The following OPRM1 variants were observed in gnomAD, a reference collection of about 807,000 sequenced individuals.
OPRM1 encodes the protein mu-type opioid receptor.
Under a neutral mutation model 31.8 loss-of-function variants are expected in OPRM1, and 27 were observed. That is an observed-to-expected ratio of 0.85 (90% CI 0.63 to 1.17). The LOEUF is 1.17. Among genes scored for constraint, OPRM1 ranks in the 50% most tolerant of loss-of-function variants. The pLI is 0.00. For synonymous variants in OPRM1, 196 were observed against 189.9 expected (o/e 1.03, Z -0.26); for missense variants, 536 against 511.1 (o/e 1.05, Z -0.47).
rs768981562 is a variant in OPRM1 at position 154,089,829 on chromosome 6, C to T, written c.294C>T (p.Tyr98=). ...CTCTTCTTCCTTTATCTCCTAGATA[C>T]ACCAAGATGAAGACTGCCACCAACA... ...NFLVMYVIVR[Y]TKMKTATNIY... Residue 98 remains tyrosine, a synonymous_variant, in exon 2 of 4, where the codon TAC becomes TAT. Coordinates refer to ENST00000330432, the MANE Select transcript of OPRM1 (RefSeq NM_000914.5). The T allele has an allele frequency of 6.2e-7, 1 of 1,607,872 alleles. No individual in the cohort carries two copies. Among genetic ancestry groups the T allele is most frequent in the East Asian group, 2.2e-5 (1 of 44,842 alleles).
At chr6:154,194,259 C>T (rs530728917) in intron 3 of OPRM1, among the ~76,000 whole-genome samples, 73 of 152,218 alleles carry the variant, frequency 4.8e-4, no homozygotes, top group African/African-American at 1.6e-3. Flanking sequence ...ATTAGCCAGG[C>T]GTGGTGGCGC....
chr6:154,099,211 G>A (rs1251628804), intron 3 of OPRM1, among the ~76,000 whole-genome samples: 1 of 151,698 alleles, frequency 6.6e-6, no homozygotes, highest in East Asian at 1.9e-4. Context: ...ATTGAACCTG[G>A]GAAGTTGAGG....
chr6:154,105,979 T>C (rs1312848392), intron 3 of OPRM1, among the ~76,000 whole-genome samples: 2 of 152,222 alleles, frequency 1.3e-5, no homozygotes, highest in African/African-American at 2.4e-5. Context: ...AGCAGATCAG[T>C]GCTCTAGGAA....
At chr6:154,093,279 A>C (rs201363343) in intron 3 of OPRM1, 10 of 1,612,892 alleles carry the variant, frequency 6.2e-6, no homozygotes, top group Non-Finnish European at 8.5e-6. Flanking sequence ...GTGCCTACCT[A>C]TACCTTCCCT....
chr6:154,147,182 A>G (rs1388392152), intron 3 of OPRM1, among the ~76,000 whole-genome samples: 1 of 152,194 alleles, frequency 6.6e-6, no homozygotes, highest in African/African-American at 2.4e-5. Flanking sequence ...AGCAGCCACC[A>G]TTCACTGTAA....
chr6:154,102,715 A>C (rs538727939), intron 3 of OPRM1, among the ~76,000 whole-genome samples: 5 of 152,320 alleles, frequency 3.3e-5, no homozygotes, highest in Non-Finnish European at 5.9e-5. Context: ...GGAGGCAGGC[A>C]GCAGAAATCA....
intron 3 of OPRM1, among the ~76,000 whole-genome samples, chr6:154,112,087 G>T (rs1796425808): frequency 6.6e-6 from 1 of 152,120 alleles, no homozygotes; most frequent in African/African-American, 2.4e-5. Context: ...TTAAAAAATT[G>T]TTGACAAAAA....
intron 1 of OPRM1, among the ~76,000 whole-genome samples, chr6:154,081,582 A>G (rs1789164622): frequency 6.6e-6 from 1 of 152,178 alleles, no homozygotes; most frequent in Non-Finnish European, 1.5e-5. Flanking sequence ...TTAAACAACT[A>G]TGACTGTTAC....
chr6:154,071,709 G>C (rs964144543), intron 1 of OPRM1, among the ~76,000 whole-genome samples: 8 of 152,180 alleles, frequency 5.3e-5, no homozygotes, highest in Admixed American at 5.2e-4. Context: ...TGATGAATGA[G>C]CATCAGTAAT....
At chr6:154,109,792 C>CTCTCTCTGTG (rs1358444421) in intron 3 of OPRM1, among the ~76,000 whole-genome samples, 79 of 101,274 alleles carry the variant, frequency 7.8e-4, no homozygotes, top group African/African-American at 2.9e-3. Flanking sequence ...CTCTCTCTCT[C>CTCTCTCTGTG]TGTGTGTGTG....
chr6:154,116,444 G>A (rs546312829), intron 3 of OPRM1, among the ~76,000 whole-genome samples: 5 of 152,006 alleles, frequency 3.3e-5, no homozygotes, highest in Non-Finnish European at 7.4e-5. Context: ...AATTAGCTGG[G>A]CGTGGTGGCA....
chr6:154,087,360 T>TGGA (rs1465501186), intron 1 of OPRM1: 22 of 985,354 alleles, frequency 2.2e-5, no homozygotes, highest in Non-Finnish European at 2.5e-5. Context: ...ACAGCTGTCT[T>TGGA]GGGCTGAATG....
chr6:154,175,395 T>C (rs972831657), intron 3 of OPRM1, among the ~76,000 whole-genome samples: 2 of 151,280 alleles, frequency 1.3e-5, no homozygotes, highest in African/African-American at 4.9e-5. Flanking sequence ...GCTTTTTTTT[T>C]TTTGAAAAGA....
At chr6:154,034,523 G>C (rs1196283717), upstream of OPRM1, among the ~76,000 whole-genome samples, 1 of 152,026 alleles carries the variant, frequency 6.6e-6, no homozygotes, top group East Asian at 1.9e-4. Flanking sequence ...ACTCCAGCCT[G>C]GGCGACAGAG....
chr6:154,220,183 G>A (rs1024878368), intron 3 of OPRM1, among the ~76,000 whole-genome samples: 1 of 152,140 alleles, frequency 6.6e-6, no homozygotes, highest in Admixed American at 6.5e-5. Flanking sequence ...TTATGTGTGG[G>A]TTTTTCATTG....
At chr6:154,038,006 G>A (rs2088382371), upstream of OPRM1, among the ~76,000 whole-genome samples, 1 of 152,094 alleles carries the variant, frequency 6.6e-6, no homozygotes, top group South Asian at 2.1e-4. Context: ...TAGTCTCTAG[G>A]AAATCTCTGT....
Position 154,090,000 on chromosome 6 carries a change from C to T in OPRM1, c.465C>T (p.Thr155=). 1 of 1,614,098 alleles carries T rather than the reference C, an allele frequency of 6.2e-7. No homozygotes were observed. The highest frequency in any genetic ancestry group is 8.5e-7 in the Non-Finnish European group (1 of 1,179,978). ...VISIDYYNMF[T]SIFTLCTMSV... Reference sequence around the variant, plus strand: ...CCATAGATTACTATAACATGTTCACCAGCATATTCACCCTCTGCACCATGA... The same window carrying T: ...CCATAGATTACTATAACATGTTCACTAGCATATTCACCCTCTGCACCATGA... The change falls in exon 2 of 4, where the codon ACC becomes ACT. Residue 155 remains threonine (T), a synonymous_variant. Coordinates refer to ENST00000330432, the MANE Select transcript of OPRM1 (RefSeq NM_000914.5).
At chr6:154,108,674 A>G in intron 3 of OPRM1, 1 of 462,624 alleles carries the variant, frequency 2.2e-6, no homozygotes, top group Non-Finnish European at 2.8e-6. Flanking sequence ...AGCTGTTCTT[A>G]GCCAAGAGGG....
chr6:154,040,650 G>A (rs1323766896), intron 1 of OPRM1, among the ~76,000 whole-genome samples: 1 of 152,180 alleles, frequency 6.6e-6, no homozygotes, highest in Non-Finnish European at 1.5e-5. Context: ...GAGCTAATTA[G>A]GAGTGACCAA....
Sources: gnomAD v4.1 joint callset for allele counts (sites outside exome capture counted in the v4.1 genomes callset) on GRCh38, gnomAD v4.1.1 for gene constraint, MANE v1.5 for transcripts, NCBI Gene and HGNC (gene_info 2026-07-23, HGNC 2026-07-21) for gene names.